The following CDKAL1 variants were observed in gnomAD, a reference collection of about 807,000 sequenced individuals.
The protein encoded by CDKAL1 is CDKAL1 threonylcarbamoyladenosine tRNA methylthiotransferase.
Under a neutral mutation model 68.2 loss-of-function variants are expected in CDKAL1, and 32 were observed. That is an observed-to-expected ratio of 0.47 (90% confidence interval 0.35 to 0.63). CDKAL1 has a LOEUF of 0.63. Among genes scored for constraint, CDKAL1 ranks in the 30% least tolerant of loss-of-function variants. CDKAL1 has a pLI of 0.00. For missense variants in CDKAL1, 606 were observed against 696.7 expected (o/e 0.87, Z 1.47); for synonymous variants, 234 against 244.3 (o/e 0.96, Z 0.39).
In CDKAL1 at chr6:20,874,730, G is replaced by C. The variant is rs191743838; in HGVS notation, c.742+28552G>C. ...GTTGGTCAGGCTGGTCTCGAACTCC[G>C]GGCATCAAGTGATCCGCCTACCTTG... On this transcript the variant is annotated intron_variant, in intron 9 of 15. Coordinates refer to ENST00000274695, the MANE Select transcript of CDKAL1 (RefSeq NM_017774.3). 1.9e-3 allele frequency among the ~76,000 whole-genome samples: 286 copies of C among 151,768 alleles called. 2 individuals are homozygous for C. Among genetic ancestry groups the C allele is most frequent in the Admixed American group, 3.0e-3 (46 of 15,244 alleles).
At chr6:20,935,981 G>A (rs1341842042) in intron 9 of CDKAL1, among the ~76,000 whole-genome samples, 3 of 152,078 alleles carry the variant, frequency 2.0e-5, no homozygotes, top group Non-Finnish European at 4.4e-5. Flanking sequence ...TCTTCACACT[G>A]CTGCACCTTG....
At chr6:21,211,609 T>G (rs1582426540) in intron 15 of CDKAL1, among the ~76,000 whole-genome samples, 1 of 152,224 alleles carries the variant, frequency 6.6e-6, no homozygotes, top group Non-Finnish European at 1.5e-5. Context: ...GAGTGGCACA[T>G]GGTATTTGTA....
At chr6:20,613,215 A>T (rs1196675603) in intron 4 of CDKAL1, among the ~76,000 whole-genome samples, 4 of 128,676 alleles carry the variant, frequency 3.1e-5, no homozygotes, top group African/African-American at 8.7e-5. Context: ...TGATTTGGTT[A>T]CCTTGTTTTA....
At chr6:21,043,097 A>T (rs539092926) in intron 11 of CDKAL1, among the ~76,000 whole-genome samples, 1 of 152,320 alleles carries the variant, frequency 6.6e-6, no homozygotes, top group South Asian at 2.1e-4. Flanking sequence ...CACAACTACC[A>T]GTTCTACTGC....
chr6:20,907,982 T>TTC (rs1472457532), intron 9 of CDKAL1, among the ~76,000 whole-genome samples: 2 of 152,138 alleles, frequency 1.3e-5, no homozygotes, highest in Non-Finnish European at 2.9e-5. Context: ...CTGTCACCAC[T>TTC]TCTCCCCATA....
At chr6:20,629,739 C>T (rs551025412) in intron 4 of CDKAL1, among the ~76,000 whole-genome samples, 44 of 152,036 alleles carry the variant, frequency 2.9e-4, no homozygotes, top group Non-Finnish European at 6.3e-4. Flanking sequence ...CATTGTGCCG[C>T]AGCTCTGTCA....
chr6:20,754,138 C>A (rs1344113898), intron 6 of CDKAL1, among the ~76,000 whole-genome samples: 1 of 152,062 alleles, frequency 6.6e-6, no homozygotes, highest in Non-Finnish European at 1.5e-5. Flanking sequence ...CACCACTGTG[C>A]CCAGCTAATT....
intron 13 of CDKAL1, among the ~76,000 whole-genome samples, chr6:21,117,098 C>G (rs549439582): frequency 1.3e-5 from 2 of 152,190 alleles, no homozygotes; most frequent in Admixed American, 1.3e-4. Context: ...TTGATACATA[C>G]CCTGCCCCAA....
chr6:20,753,944 CGTT>C lies in CDKAL1; in HGVS notation c.469-4650_469-4648del, dbSNP rs957244810. On this transcript the variant is annotated intron_variant, in intron 6 of 15. Transcript: ENST00000274695. ...ATTTCTCCACATTTTCACCAACACT[CGTT>C]ATTATCTGTATGTGTGTGTGTGTGT... Among the ~76,000 whole-genome samples, 30 of 139,474 alleles carry C rather than the reference CGTT, an allele frequency of 2.2e-4. 1 individual carries two copies. The highest frequency in any genetic ancestry group is 7.8e-4 in the African/African-American group (29 of 37,356). The allele number at this position is 139,474 out of a possible 152,430, so 91.5% of individuals were successfully genotyped here.
intron 4 of CDKAL1, among the ~76,000 whole-genome samples, chr6:20,593,221 T>C (rs747252573): frequency 3.3e-5 from 5 of 152,202 alleles, no homozygotes; most frequent in Non-Finnish European, 5.9e-5. Flanking sequence ...TTTCTGTTGT[T>C]TGGAATAGTT....
intron 12 of CDKAL1, among the ~76,000 whole-genome samples, chr6:21,085,910 G>A (rs186723751): frequency 1.9e-4 from 29 of 152,228 alleles, no homozygotes; most frequent in Middle Eastern, 3.4e-3. Context: ...GAATTAAGAC[G>A]GTAATGAAAC....
chr6:20,897,061 A>G (rs1761726972), intron 9 of CDKAL1, among the ~76,000 whole-genome samples: 1 of 152,176 alleles, frequency 6.6e-6, no homozygotes, highest in African/African-American at 2.4e-5. Context: ...CATGGTGCCA[A>G]CAGATTCAGT....
At position 20,721,725 on chromosome 6, in the gene CDKAL1, GTTTTTTTTT is replaced by G. The variant is rs145893325; in HGVS notation, c.372-17777_372-17769del. 6.1e-3 allele frequency among the ~76,000 whole-genome samples: 410 copies of G among 67,424 alleles called. 1 individual carries two copies. The highest frequency in any genetic ancestry group is 0.023 in the African/African-American group (387 of 16,726). 44.2% of individuals were successfully genotyped at this position (67,424 alleles called of 152,430 possible). ...CTTCTCTGCACCCTGACCAACTTCTGTTTTTTTTTTTTTTTTTTTTTTTTTGAGACAGAG... is the reference window on the plus strand; with the variant it reads ...CTTCTCTGCACCCTGACCAACTTCTGTTTTTTTTTTTTTTTTGAGACAGAG... On this transcript the variant is annotated intron_variant, in intron 5 of 15. Transcript: ENST00000274695.
rs778734354 is a variant in CDKAL1 at position 21,178,167 on chromosome 6, C to A, written c.1300-19854C>A. Among the ~76,000 whole-genome samples the A allele has an allele frequency of 9.2e-5, 14 of 152,074 alleles. No individual in the cohort carries two copies. In the South Asian group the frequency reaches 2.7e-3, roughly 29 times the overall value. ...AGATGAGAGATGGAGATTTAAGGGG[C>A]AATCATATAGTATCCAAGGAAAAAG... On this transcript the variant is annotated intron_variant, in intron 13 of 15. Transcript: ENST00000274695.
intron 6 of CDKAL1, among the ~76,000 whole-genome samples, 181 bp from the exon 7 acceptor site, chr6:20,758,414 A>G (rs543562067): frequency 6.6e-6 from 1 of 152,338 alleles, no homozygotes; most frequent in East Asian, 1.9e-4. Context: ...TGATAATTTC[A>G]TACTTCATTG....
At chr6:20,625,109 T>A (rs1227210476) in intron 4 of CDKAL1, among the ~76,000 whole-genome samples, 1 of 152,136 alleles carries the variant, frequency 6.6e-6, no homozygotes. Flanking sequence ...TGGGTTAAGA[T>A]GTTACAGAAA....
At chr6:20,798,963 A>G (rs1394309982) in intron 8 of CDKAL1, among the ~76,000 whole-genome samples, 1 of 147,734 alleles carries the variant, frequency 6.8e-6, no homozygotes, top group Non-Finnish European at 1.5e-5. Context: ...AAAGGTTTGC[A>G]TCTCATTTAA....
chr6:20,965,441 G>C (rs1765261275), intron 10 of CDKAL1, among the ~76,000 whole-genome samples: 1 of 147,636 alleles, frequency 6.8e-6, no homozygotes, highest in African/African-American at 2.6e-5. Flanking sequence ...GGGAGGGGAG[G>C]GGGAACATTA....
chr6:21,032,141 C>T (rs1207392585), intron 11 of CDKAL1, among the ~76,000 whole-genome samples: 2 of 152,184 alleles, frequency 1.3e-5, no homozygotes, highest in Non-Finnish European at 2.9e-5. Context: ...CTCACCCCCT[C>T]CTGGCCCATT....
Sources: gnomAD v4.1 joint callset for allele counts (sites outside exome capture counted in the v4.1 genomes callset) on GRCh38, gnomAD v4.1.1 for gene constraint, MANE v1.5 for transcripts, NCBI Gene and HGNC (gene_info 2026-07-23, HGNC 2026-07-21) for gene names.